The following CTNNA3 variants were observed in gnomAD, a reference collection of about 807,000 sequenced individuals.
The protein encoded by CTNNA3 is catenin alpha-3.
In CTNNA3, 76 loss-of-function variants were observed where a neutral mutation model predicts 95.7. That is an observed-to-expected ratio of 0.79 (90% CI 0.66 to 0.96). The LOEUF is 0.96. Among genes scored for constraint, CTNNA3 ranks in the 40% least tolerant of loss-of-function variants. CTNNA3 has a pLI of 0.00. For synonymous variants in CTNNA3, 431 were observed against 374.4 expected, an observed-to-expected ratio of 1.15 and a Z score of -1.74; for missense variants, 1,191 against 1,089.8, an observed-to-expected ratio of 1.09 and a Z score of -1.31.
At chr10:66,465,156 T>C (rs191724017) in intron 11 of CTNNA3, among the ~76,000 whole-genome samples, 14 of 152,154 alleles carry the variant, frequency 9.2e-5, no homozygotes, top group Non-Finnish European at 1.5e-4. Context: ...AATAGATACA[T>C]TGTAAAACTT....
chr10:67,085,914 G>T (rs965972462), intron 7 of CTNNA3, among the ~76,000 whole-genome samples: 1 of 151,682 alleles, frequency 6.6e-6, no homozygotes, highest in African/African-American at 2.4e-5. Flanking sequence ...GCTTAAACAT[G>T]ACGTTATCTA....
At chr10:66,441,944 G>T (rs538803035) in intron 11 of CTNNA3, among the ~76,000 whole-genome samples, 2 of 152,222 alleles carry the variant, frequency 1.3e-5, no homozygotes, top group South Asian at 4.1e-4. Flanking sequence ...TGCAGAAAAA[G>T]AATTACATTT....
At chr10:66,495,976 G>A (rs1840085884) in intron 11 of CTNNA3, among the ~76,000 whole-genome samples, 1 of 152,046 alleles carries the variant, frequency 6.6e-6, no homozygotes, top group Non-Finnish European at 1.5e-5. Flanking sequence ...ATTTTGTTTA[G>A]CTTATTTATA....
intron 11 of CTNNA3, among the ~76,000 whole-genome samples, chr10:66,400,180 A>C (rs534406239): frequency 1.0e-3 from 158 of 152,136 alleles, no homozygotes; most frequent in Non-Finnish European, 2.0e-3. Flanking sequence ...TACAAAGAAA[A>C]TATAAAAAAT....
intron 7 of CTNNA3, among the ~76,000 whole-genome samples, chr10:66,796,491 T>A (rs1397853357): frequency 6.6e-6 from 1 of 151,898 alleles, no homozygotes; most frequent in African/African-American, 2.4e-5. Context: ...CAGACCACTG[T>A]AACAGATATA....
intron 5 of CTNNA3, among the ~76,000 whole-genome samples, chr10:67,382,805 C>G (rs1843996646): frequency 6.6e-6 from 1 of 152,236 alleles, no homozygotes; most frequent in East Asian, 1.9e-4. Flanking sequence ...GGGGAGCCAG[C>G]ATATCTCATG....
chr10:67,478,298 A>G (rs1018048866), intron 5 of CTNNA3, among the ~76,000 whole-genome samples: 10 of 152,330 alleles, frequency 6.6e-5, no homozygotes, highest in African/African-American at 2.4e-4. Context: ...TAATCATGCT[A>G]GAGAGCTAGA....
chr10:66,257,888 ACT>A (rs1589872222), intron 13 of CTNNA3, among the ~76,000 whole-genome samples: 1 of 151,920 alleles, frequency 6.6e-6, no homozygotes, highest in African/African-American at 2.4e-5. Flanking sequence ...TTTTGGACAG[ACT>A]CTCTCCACCA....
chr10:66,344,252 G>T (rs2092482061), intron 12 of CTNNA3, among the ~76,000 whole-genome samples: 1 of 148,914 alleles, frequency 6.7e-6, no homozygotes, highest in South Asian at 2.1e-4. Context: ...TGACTGCAAT[G>T]TGTTTTTGTT....
chr10:65,927,608 G>A (rs1035443023), intron 17 of CTNNA3, among the ~76,000 whole-genome samples: 2 of 152,176 alleles, frequency 1.3e-5, no homozygotes, highest in African/African-American at 4.8e-5. Flanking sequence ...TAAGCTTCAC[G>A]TATGTTGCTG....
At chr10:66,363,136 C>A (rs1433348988) in intron 12 of CTNNA3, among the ~76,000 whole-genome samples, 1 of 152,176 alleles carries the variant, frequency 6.6e-6, no homozygotes, top group Non-Finnish European at 1.5e-5. Context: ...CCAAAAAAAT[C>A]TCCTTTGCTA....
At chr10:66,853,715 A>T (rs1564725156) in intron 7 of CTNNA3, among the ~76,000 whole-genome samples, 1 of 152,004 alleles carries the variant, frequency 6.6e-6, no homozygotes, top group Non-Finnish European at 1.5e-5. Flanking sequence ...ACAAATGTTA[A>T]GACAAAAAAA....
At chr10:67,194,791 T>C (rs73262249) in intron 6 of CTNNA3, among the ~76,000 whole-genome samples, 4,141 of 151,978 alleles carry the variant, frequency 0.027, 137 homozygotes, top group African/African-American at 0.09. Flanking sequence ...AGGCCATCCA[T>C]GTGTAGGAGC....
At chr10:67,218,667 T>C in intron 6 of CTNNA3, among the ~76,000 whole-genome samples, 1 of 152,250 alleles carries the variant, frequency 6.6e-6, no homozygotes, top group East Asian at 1.9e-4. Context: ...ACATCCATTC[T>C]ATCAAAATTC....
At chr10:67,207,055 C>T (rs1385080493) in intron 6 of CTNNA3, among the ~76,000 whole-genome samples, 1 of 152,046 alleles carries the variant, frequency 6.6e-6, no homozygotes, top group African/African-American at 2.4e-5. Context: ...CACTGGAACT[C>T]GGGAGGCGGA....
intron 2 of CTNNA3, among the ~76,000 whole-genome samples, chr10:67,611,471 G>C (rs1402824458): frequency 1.3e-5 from 2 of 151,692 alleles, no homozygotes; most frequent in Admixed American, 1.3e-4. Context: ...CTGCCACCAC[G>C]CCTGGCTAAT....
At chr10:66,235,767 AG>A (rs2089822405) in intron 13 of CTNNA3, among the ~76,000 whole-genome samples, 1 of 87,260 alleles carries the variant, frequency 1.1e-5, no homozygotes, top group Non-Finnish European at 2.3e-5. Context: ...AAATGAACAA[AG>A]CTATTAATCT....
intron 12 of CTNNA3, among the ~76,000 whole-genome samples, chr10:66,346,246 T>TATATAGAGAGAGAGAGAGAGAGAGAG: frequency 3.6e-5 from 1 of 27,798 alleles, no homozygotes; most frequent in South Asian, 1.4e-3. Context: ...TATATATATA[T>TATATAGAGAGAGAGAGAGAGAGAGAG]AGAGAGAGAG....
At chr10:67,146,024 T>C (rs537455375) in intron 7 of CTNNA3, among the ~76,000 whole-genome samples, 1 of 152,288 alleles carries the variant, frequency 6.6e-6, no homozygotes, top group East Asian at 1.9e-4. Context: ...TGTGAATTAC[T>C]GGGTATTGTA....
Sources: gnomAD v4.1 joint callset for allele counts (sites outside exome capture counted in the v4.1 genomes callset) on GRCh38, gnomAD v4.1.1 for gene constraint, MANE v1.5 for transcripts, NCBI Gene and HGNC (gene_info 2026-07-23, HGNC 2026-07-21) for gene names.